TNN: variants seen among roughly 807,000 people sequenced by gnomAD.
TNN encodes the protein tenascin N.
Under a neutral mutation model 134.4 loss-of-function variants are expected in TNN, and 122 were observed. The ratio of observed to expected loss-of-function variants is 0.91; its 90% confidence interval spans 0.78 to 1.06. The LOEUF is 1.06. TNN is among the 50% of genes least tolerant of loss of function. The pLI, the probability that TNN is intolerant of heterozygous loss-of-function variation, is 0.00. For missense variants in TNN, 1,739 were observed against 1,699.4 expected, an observed-to-expected ratio of 1.02 and a Z score of -0.41; for synonymous variants, 710 against 670.3, an observed-to-expected ratio of 1.06 and a Z score of -0.91.
chr1:175,129,957 C>T (rs1364271564), intron 15 of TNN, among the ~76,000 whole-genome samples: 1 of 152,240 alleles, frequency 6.6e-6, no homozygotes, highest in Non-Finnish European at 1.5e-5. Context: ...AATTGTCCCT[C>T]TTCTGTGTAG....
rs767045799 is a variant in TNN at position 175,080,481 on chromosome 1, G to T, written c.1048+55G>T. 5 of 1,601,100 alleles carry T rather than the reference G, an allele frequency of 3.1e-6. No individual in the cohort carries two copies. The Admixed American group carries it at 8.5e-5, about 27-fold the overall frequency. ...CCCAGGAGAGGCCCCATTCTAAATG[G>T]TTTCTTTCATTAAACACCTGTAGGC... On this transcript the variant is annotated intron_variant, in intron 4 of 18. Transcript: ENST00000239462.
At position 175,127,924 on chromosome 1, in the gene TNN, C is replaced by T. The variant is rs563164442; in HGVS notation, c.3046-108C>T. On this transcript the variant is annotated intron_variant, in intron 13 of 18. Transcript: ENST00000239462. ...GGCTTCGGAGAGACAAAACACTGTG[C>T]TCTCAGAGAGCTTCTGTCATTAGCA... is the stretch of plus-strand genomic sequence containing the variant. 7 of 1,359,694 alleles carry T rather than the reference C, an allele frequency of 5.1e-6. No individual in the cohort carries two copies. The Admixed American group carries it at 5.2e-5, about 10-fold the overall frequency. 84.2% of individuals were successfully genotyped at this position (1,359,694 alleles called of 1,614,324 possible). A position where few individuals can be genotyped will look rare whatever the true frequency, so the allele number is the denominator to read the frequency against.
intron 2 of TNN, 51 bp from the exon 3 acceptor site, chr1:175,079,282 C>T (rs750714410): frequency 1.3e-5 from 19 of 1,512,156 alleles, no homozygotes; most frequent in Non-Finnish European, 1.7e-5. Context: ...GGAAGGAGAT[C>T]CCCACGCACA....
intron 9 of TNN, 88 bp from the exon 10 acceptor site, chr1:175,116,851 G>A: frequency 3.8e-6 from 6 of 1,575,052 alleles, no homozygotes; most frequent in South Asian, 3.3e-5. Flanking sequence ...ATAAGAACAG[G>A]AAACTGCCTT....
At chr1:175,116,654 C>T (rs754510262) in intron 9 of TNN, among the ~76,000 whole-genome samples, 1 of 152,198 alleles carries the variant, frequency 6.6e-6, no homozygotes, top group Non-Finnish European at 1.5e-5. Context: ...TTGCTAGTAA[C>T]CTGGCTCCAA....
At chr1:175,073,691 G>A (rs1284434674) in intron 1 of TNN, among the ~76,000 whole-genome samples, 5 of 152,210 alleles carry the variant, frequency 3.3e-5, no homozygotes, top group Admixed American at 1.3e-4. Context: ...TGCCTGGGGC[G>A]AGGTGAGGGT....
intron 11 of TNN, among the ~76,000 whole-genome samples, chr1:175,122,861 G>A (rs1675412705): frequency 6.6e-6 from 1 of 152,204 alleles, no homozygotes; most frequent in South Asian, 2.1e-4. Flanking sequence ...TGACACAGGA[G>A]AGAAAGGGCA....
intron 9 of TNN, among the ~76,000 whole-genome samples, chr1:175,102,860 C>A (rs1183252343): frequency 6.8e-6 from 1 of 146,150 alleles, no homozygotes; most frequent in Non-Finnish European, 1.5e-5. Flanking sequence ...ATGCTGTCAC[C>A]TCTCAATCCC....
At chr1:175,080,817 G>A (rs1275145830) in intron 4 of TNN, among the ~76,000 whole-genome samples, 1 of 152,158 alleles carries the variant, frequency 6.6e-6, no homozygotes, top group African/African-American at 2.4e-5. Context: ...TCATCTTCGT[G>A]GGAAAGACAG....
At chr1:175,088,113 G>T (rs1190342382) in intron 6 of TNN, among the ~76,000 whole-genome samples, 1 of 152,148 alleles carries the variant, frequency 6.6e-6, no homozygotes, top group Admixed American at 6.5e-5. Context: ...CATTATATAG[G>T]AATGATTGAT....
intron 2 of TNN, among the ~76,000 whole-genome samples, chr1:175,078,031 G>A (rs1255947933): frequency 6.6e-6 from 1 of 152,208 alleles, no homozygotes; most frequent in Non-Finnish European, 1.5e-5. Context: ...GCTGAGCAGG[G>A]AGGGACCAGC....
At chr1:175,138,316 A>G (rs562798859) in intron 17 of TNN, among the ~76,000 whole-genome samples, 2 of 152,312 alleles carry the variant, frequency 1.3e-5, no homozygotes, top group East Asian at 1.9e-4. Context: ...CCTGGTACAG[A>G]GTAGGAGAGT....
rs1674170653 is a variant in TNN, at chr1:175,080,300, C to T, written c.922C>T (p.Gln308Ter). ...LGKELSGKQI[Q>*]VPKEQHSYEI... Reference sequence around the variant, plus strand: ...GAAGGAGCTCTCTGGGAAGCAGATCCAAGTGCCCAAGGAGCAGCACAGCTA... The same window carrying T: ...GAAGGAGCTCTCTGGGAAGCAGATCTAAGTGCCCAAGGAGCAGCACAGCTA... The change falls in exon 4 of 19, where the codon CAA becomes TAA. Residue 308 changes from glutamine (Q) to a stop codon, truncating the protein, a stop_gained. Coordinates refer to ENST00000239462, the MANE Select transcript of TNN (RefSeq NM_022093.2). LOFTEE classifies it high-confidence loss of function. The T allele has an allele frequency of 3.1e-6, 5 of 1,613,996 alleles. No homozygotes were observed. Among genetic ancestry groups the T allele is most frequent in the Non-Finnish European group, 4.2e-6 (5 of 1,180,026 alleles).
chr1:175,081,300 G>A (rs1674194077), intron 4 of TNN, among the ~76,000 whole-genome samples: 1 of 152,202 alleles, frequency 6.6e-6, no homozygotes, highest in Non-Finnish European at 1.5e-5. Context: ...GTCTCCTCGT[G>A]AACATTCTTA....
intron 15 of TNN, among the ~76,000 whole-genome samples, chr1:175,133,367 C>T (rs1467776388): frequency 2.0e-5 from 3 of 152,178 alleles, no homozygotes; most frequent in African/African-American, 7.2e-5. Flanking sequence ...TGGCCCGTTC[C>T]AGTTTGGCTT....
chr1:175,106,312 T>C (rs1297534132), intron 9 of TNN, among the ~76,000 whole-genome samples: 1 of 145,770 alleles, frequency 6.9e-6, no homozygotes, highest in Non-Finnish European at 1.5e-5. Flanking sequence ...CCTTTTGTTC[T>C]CACTTATATG....
Position 175,123,370 on chromosome 1 carries a change from G to A in TNN, c.2651-30G>A, listed in dbSNP as rs749830639. 17 of 1,611,868 alleles carry A rather than the reference G, an allele frequency of 1.1e-5. No homozygotes were observed. In the South Asian group the frequency reaches 1.9e-4, roughly 18 times the overall value. On this transcript the variant is annotated intron_variant, in intron 11 of 18. Coordinates refer to ENST00000239462, the MANE Select transcript of TNN (RefSeq NM_022093.2). ...ATGCGATGTCTTCCTTTGTTCTAAA[G>A]TTCAGCCTTTTCTAAATCTTTTTAA... is the stretch of plus-strand genomic sequence containing the variant.
Position 175,128,161 on chromosome 1 carries a change from AC to A in TNN, c.3176del (p.Thr1059LysfsTer79). ...CAGAAATGTATCCACCACCCTCTCC[AC>A]AGGTAATATGGAATCCTGTACTCTG... ...RSRNVSTTLS[T>X]VGARFPHPSD... On this transcript the variant is annotated frameshift_variant and splice_region_variant, in exon 14 of 19. Coordinates refer to ENST00000239462, the MANE Select transcript of TNN (RefSeq NM_022093.2). LOFTEE classifies it high-confidence loss of function. The A allele has an allele frequency of 6.2e-7, 1 of 1,601,224 alleles. No individual in the cohort carries two copies. The highest frequency in any genetic ancestry group is 8.5e-7 in the Non-Finnish European group (1 of 1,174,020).
intron 6 of TNN, among the ~76,000 whole-genome samples, chr1:175,092,135 C>T (rs137887353): frequency 1.2e-4 from 18 of 152,306 alleles, no homozygotes; most frequent in African/African-American, 4.3e-4. Context: ...TTTCCATTTC[C>T]ACTTTGTCAC....
Sources: gnomAD v4.1 joint callset for allele counts (sites outside exome capture counted in the v4.1 genomes callset) on GRCh38, gnomAD v4.1.1 for gene constraint, MANE v1.5 for transcripts, NCBI Gene and HGNC (gene_info 2026-07-23, HGNC 2026-07-21) for gene names.